Variants in CRISPLD1 observed in about 807,000 individuals in gnomAD.
CRISPLD1 encodes the protein cysteine rich secretory protein LCCL domain containing 1.
In CRISPLD1, 60 loss-of-function variants were observed where a neutral mutation model predicts 77.5. The ratio of observed to expected loss-of-function variants is 0.77; its 90% CI spans 0.63 to 0.96. The LOEUF (loss-of-function observed/expected upper bound fraction) is 0.96. Among genes scored for constraint, CRISPLD1 ranks in the 40% least tolerant of loss-of-function variants. The probability of loss-of-function intolerance (pLI) is 0.00; values close to 1 mark genes in which losing one functional copy is unlikely to be tolerated. For missense variants in CRISPLD1, 623 were observed against 615.8 expected, an observed-to-expected ratio of 1.01 and a Z score of -0.12; for synonymous variants, 195 against 200.1, an observed-to-expected ratio of 0.97 and a Z score of 0.22.
intron 10 of CRISPLD1, among the ~76,000 whole-genome samples, chr8:75,017,993 C>T (rs893738732): frequency 3.3e-5 from 5 of 151,988 alleles, no homozygotes; most frequent in African/African-American, 9.7e-5. Context: ...ATACCTTATT[C>T]GAAAACACTG....
At position 75,014,071 on chromosome 8, in the gene CRISPLD1, G is replaced by A; in HGVS notation, c.595G>A (p.Ala199Thr). ...MNIWGQIWPK[A>T]VYLVCNYSPK... ...CATCTGGGGGCAGATATGGCCCAAA[G>A]CTGTCTACCTGGTGTGCAATTACTC... Residue 199 changes from alanine (A) to threonine (T), a missense_variant, in exon 5 of 15, where the codon GCT becomes ACT. Physicochemically the swap from Ala to Thr is moderately conservative, Grantham distance 58. Transcript: ENST00000262207. 6.2e-7 allele frequency: 1 copy of A among 1,612,780 alleles called. No individual in the cohort carries two copies. Among genetic ancestry groups the A allele is most frequent in the African/African-American group, 1.3e-5 (1 of 74,954 alleles).
chr8:75,023,220 A>G (rs2128787806), intron 12 of CRISPLD1, among the ~76,000 whole-genome samples: 1 of 152,310 alleles, frequency 6.6e-6, no homozygotes. Flanking sequence ...AGTAGAAACT[A>G]ACTCAACTTG....
intron 12 of CRISPLD1, among the ~76,000 whole-genome samples, chr8:75,024,183 T>C (rs1349410023): frequency 2.0e-5 from 3 of 152,182 alleles, no homozygotes; most frequent in South Asian, 4.2e-4. Flanking sequence ...GAGTAAGATA[T>C]AAAGTTGGAA....
At position 75,013,982 on chromosome 8, in the gene CRISPLD1, C is replaced by G. The variant is rs761750274; in HGVS notation, c.511-5C>G. On this transcript the variant is annotated splice_polypyrimidine_tract_variant and splice_region_variant and intron_variant, in intron 4 of 14. Transcript: ENST00000262207. Reference sequence around the variant, plus strand: ...TTTTCTGAGCCTTTCATTTTTCTAACATAGGTCGTGTGGGCAACTAGTAAC... The same window carrying G: ...TTTTCTGAGCCTTTCATTTTTCTAAGATAGGTCGTGTGGGCAACTAGTAAC... 78 of 1,598,068 alleles carry G rather than the reference C, an allele frequency of 4.9e-5. No homozygotes were observed. The highest frequency in any genetic ancestry group is 5.4e-5 in the Non-Finnish European group (63 of 1,166,072).
At chr8:75,006,021 G>T (rs180804207) in intron 2 of CRISPLD1, among the ~76,000 whole-genome samples, 1 of 152,198 alleles carries the variant, frequency 6.6e-6, no homozygotes, top group African/African-American at 2.4e-5. Context: ...CATCCAAATA[G>T]TGAACATTGT....
At chr8:75,000,027 T>C (rs1812712085) in intron 2 of CRISPLD1, 4 of 441,018 alleles carry the variant, frequency 9.1e-6, no homozygotes, top group South Asian at 9.9e-5. Context: ...GTATGAGGGG[T>C]TGGAAGGCAG....
intron 2 of CRISPLD1, among the ~76,000 whole-genome samples, chr8:75,012,048 C>G (rs1812940894): frequency 6.6e-6 from 1 of 151,930 alleles, no homozygotes; most frequent in Admixed American, 6.6e-5. Flanking sequence ...GAGAAGGTTG[C>G]TTAGGGAGGG....
At chr8:74,985,521 T>C (rs1344861775) in intron 1 of CRISPLD1, among the ~76,000 whole-genome samples, 4 of 152,174 alleles carry the variant, frequency 2.6e-5, no homozygotes, top group African/African-American at 9.7e-5. Context: ...CTTAAAACTC[T>C]TCATAGAGAA....
chr8:75,014,691 A>G, intron 5 of CRISPLD1, 121 bp from the exon 6 acceptor site: 1 of 592,556 alleles, frequency 1.7e-6, no homozygotes, highest in South Asian at 2.6e-5. Flanking sequence ...AAATTATATG[A>G]ATGTCTTAAA....
rs147747061 is a variant in CRISPLD1, at chr8:74,994,485, A to C, written c.258+8240A>C. 2.4e-4 allele frequency among the ~76,000 whole-genome samples: 37 copies of C among 152,266 alleles called. No individual in the cohort carries two copies. In the East Asian group the frequency reaches 7.2e-3, roughly 29 times the overall value. The stretch of plus-strand genomic sequence containing the variant: ...GAAGATTCTGGATCCTTCAACTTGC[A>C]AGGACTTCTGGAATGGTTGCAGAGA... On this transcript the variant is annotated intron_variant, in intron 2 of 14. Transcript: ENST00000262207.
intron 2 of CRISPLD1, among the ~76,000 whole-genome samples, chr8:74,999,373 A>C (rs1477478934): frequency 6.6e-6 from 1 of 152,212 alleles, no homozygotes; most frequent in Admixed American, 6.5e-5. Context: ...GCAGGATATT[A>C]AAGATAGAAA....
Position 75,034,476 on chromosome 8 carries a change from T to TA in CRISPLD1, c.*2237dup. On this transcript the variant is annotated 3_prime_UTR_variant, in exon 15 of 15. Transcript: ENST00000262207. The stretch of plus-strand genomic sequence containing the variant: ...CATATACTATTGATCCTTTGGCACT[T>TA]AAATAAATGTGAAATCCTCCAGGAA... 1 of 152,244 alleles carries TA rather than the reference T, an allele frequency of 6.6e-6. No individual in the cohort carries two copies. The highest frequency in any genetic ancestry group is 2.1e-4 in the South Asian group (1 of 4,826). 9.4% of individuals were successfully genotyped at this position (152,244 alleles called of 1,614,324 possible).
chr8:74,990,241 A>G (rs1812552279), intron 2 of CRISPLD1, among the ~76,000 whole-genome samples: 1 of 152,090 alleles, frequency 6.6e-6, no homozygotes, highest in Non-Finnish European at 1.5e-5. Context: ...ACTACACAAT[A>G]CATCAATGTA....
intron 2 of CRISPLD1, among the ~76,000 whole-genome samples, chr8:75,001,752 C>T (rs575765005): frequency 5.3e-5 from 8 of 152,234 alleles, no homozygotes; most frequent in African/African-American, 1.4e-4. Flanking sequence ...TAGGCTTGGT[C>T]AGATTTTCCC....
intron 2 of CRISPLD1, among the ~76,000 whole-genome samples, chr8:75,008,601 C>G (rs1812876050): frequency 6.6e-6 from 1 of 152,076 alleles, no homozygotes; most frequent in Non-Finnish European, 1.5e-5. Context: ...TACTTTTAGT[C>G]ACTAATATTA....
intron 2 of CRISPLD1, among the ~76,000 whole-genome samples, chr8:75,002,576 C>A (rs572786681): frequency 6.6e-6 from 1 of 151,618 alleles, no homozygotes; most frequent in African/African-American, 2.4e-5. Flanking sequence ...GGCAGGGTGC[C>A]CAGGCTTTTG....
Position 75,034,207 on chromosome 8 carries a change from G to A in CRISPLD1, c.*1965G>A, listed in dbSNP as rs572382922. 10 of 152,068 alleles carry A rather than the reference G, an allele frequency of 6.6e-5. No homozygotes were observed. The East Asian group carries it at 1.9e-3, about 29-fold the overall frequency. 9.4% of individuals were successfully genotyped at this position (152,068 alleles called of 1,614,324 possible). A position where few individuals can be genotyped will look rare whatever the true frequency, so the allele number is the denominator to read the frequency against. ...GTAAAAACATTTAAGAACTTCCATA[G>A]TCTTGTTCATATTGTTTACCTATCT... On this transcript the variant is annotated 3_prime_UTR_variant, in exon 15 of 15. Transcript: ENST00000262207.
rs1278700782 is a variant in CRISPLD1 at position 75,033,781 on chromosome 8, A to G, written c.*1539A>G. The G allele has an allele frequency of 6.6e-6, 1 of 152,034 alleles. No homozygotes were observed. The highest frequency in any genetic ancestry group is 2.4e-5 in the African/African-American group (1 of 41,410). The allele number at this position is 152,034 out of a possible 1,614,324, so 9.4% of individuals were successfully genotyped here. On this transcript the variant is annotated 3_prime_UTR_variant, in exon 15 of 15. Transcript: ENST00000262207. ...CATCAACATTTTTGATCATATAATA[A>G]GTACTGGCTTACAGCTAAGTGGTTC...
chr8:75,017,986 C>T (rs1587022931), intron 10 of CRISPLD1, among the ~76,000 whole-genome samples: 1 of 152,160 alleles, frequency 6.6e-6, no homozygotes, highest in East Asian at 1.9e-4. Flanking sequence ...GTACCAAATA[C>T]CTTATTCGAA....
Sources: allele counts gnomAD v4.1 joint callset (sites outside exome capture counted in the v4.1 genomes callset), GRCh38; gene constraint gnomAD v4.1.1; transcripts MANE v1.5; gene names NCBI Gene and HGNC (gene_info 2026-07-23, HGNC 2026-07-21).